Variants in ERG28 observed in about 807,000 individuals in gnomAD.
ERG28 encodes ergosterol biosynthesis 28 homolog, also known as ergosterol biosynthetic protein 28 homolog.
ERG28 carries 9 observed loss-of-function variants against 15.7 expected under a neutral mutation model. The ratio of observed to expected loss-of-function variants is 0.57; its 90% CI spans 0.35 to 1.00. The LOEUF (loss-of-function observed/expected upper bound fraction) is 1.00, where lower values mean the gene tolerates loss of function less well. Ranked by LOEUF, ERG28 falls within the 50% of genes least tolerant of loss-of-function variation. ERG28 has a pLI of 0.02. For synonymous variants in ERG28, 61 were observed against 68.4 expected (o/e 0.89, Z 0.53); for missense variants, 117 against 173.3 (o/e 0.68, Z 1.82).
At chr14:75,658,278 C>T (rs1241763465) in intron 1 of ERG28, among the ~76,000 whole-genome samples, 1 of 152,082 alleles carries the variant, frequency 6.6e-6, no homozygotes, top group Non-Finnish European at 1.5e-5. Context: ...TAAACAAGAC[C>T]TAAGGCCATG....
Position 75,651,302 on chromosome 14 carries a change from C to T in ERG28, c.*253G>A, listed in dbSNP as rs1043375156. 6.3e-6 allele frequency: 2 copies of T among 319,136 alleles called. No homozygotes were observed. Among genetic ancestry groups the T allele is most frequent in the Non-Finnish European group, 5.8e-6 (1 of 173,282 alleles). 19.8% of individuals were successfully genotyped at this position (319,136 alleles called of 1,614,324 possible). A position where few individuals can be genotyped will look rare whatever the true frequency, so the allele number is the denominator to read the frequency against. On this transcript the variant is annotated 3_prime_UTR_variant, in exon 5 of 5. Transcript: ENST00000256319. ...TAGGGGAAGGAGACACAGTGGGCTT[C>T]CGAGAAGCTGGCAATTTCTTGACTT...
intron 2 of ERG28, among the ~76,000 whole-genome samples, chr14:75,657,169 C>T (rs1331206149): frequency 1.3e-5 from 2 of 152,162 alleles, no homozygotes; most frequent in East Asian, 3.9e-4. Flanking sequence ...AAGGCAGCAT[C>T]AGAATCATCT....
At position 75,654,999 on chromosome 14, in the gene ERG28, A is replaced by G. The variant is rs372165750; in HGVS notation, c.134-23T>C. On this transcript the variant is annotated intron_variant, in intron 2 of 4. Transcript: ENST00000256319. ...TCACTGTGTAGCAGAAAAAAGCAAG[A>G]GTGTTCAGAAGGGGAGACTTGAGGT... The G allele has an allele frequency of 1.9e-6, 3 of 1,594,408 alleles. No homozygotes were observed. In the African/African-American group the frequency reaches 4.0e-5, roughly 21 times the overall value.
chr14:75,656,821 T>C (rs1376268746), intron 2 of ERG28, among the ~76,000 whole-genome samples: 5 of 152,144 alleles, frequency 3.3e-5, no homozygotes. Context: ...AAATACCTTC[T>C]CAGGGACTAT....
chr14:75,658,483 T>C (rs75292754), intron 1 of ERG28, among the ~76,000 whole-genome samples: 1,694 of 152,290 alleles, frequency 0.011, 31 homozygotes, highest in African/African-American at 0.039. Context: ...ACAGCTTTGA[T>C]TGGACAAGAG....
Position 75,657,516 on chromosome 14 carries a change from C to T in ERG28, c.-14G>A, listed in dbSNP as rs756196177. 16 of 1,613,530 alleles carry T rather than the reference C, an allele frequency of 9.9e-6. No individual in the cohort carries two copies. Among genetic ancestry groups the T allele is most frequent in the South Asian group, 6.6e-5 (6 of 91,030 alleles). The stretch of plus-strand genomic sequence containing the variant: ...GAAACGGCTCATGACTCCCCTCAAA[C>T]GTGGGAGGGCTTTTTGCCTTGGAAA... On this transcript the variant is annotated 5_prime_UTR_variant, in exon 2 of 5. Coordinates refer to ENST00000256319, the MANE Select transcript of ERG28 (RefSeq NM_007176.4).
At position 75,650,592 on chromosome 14, in the gene ERG28, A is replaced by AT. The variant is rs1037216220; in HGVS notation, c.*962dup. On this transcript the variant is annotated 3_prime_UTR_variant, in exon 5 of 5. Transcript: ENST00000256319. ...TGTTTCATCTATGCTGCCTAGTTCT[A>AT]TTTTTTTGTCTCTGCTCTCTCAAGA... is the stretch of plus-strand genomic sequence containing the variant. 9.9e-5 allele frequency: 15 copies of AT among 152,230 alleles called. No individual in the cohort carries two copies. Among genetic ancestry groups the AT allele is most frequent in the African/African-American group, 3.4e-4 (14 of 41,534 alleles). 9.4% of individuals were successfully genotyped at this position (152,230 alleles called of 1,614,324 possible).
chr14:75,651,965 C>G, intron 3 of ERG28, 76 bp from the exon 4 acceptor site: 1 of 1,306,754 alleles, frequency 7.7e-7, no homozygotes, highest in Non-Finnish European at 1.1e-6. Flanking sequence ...AGACTTCATA[C>G]AGACAAATAA....
rs115386117 is a variant in ERG28, at chr14:75,654,939, C to T, written c.171G>A (p.Thr57=). Residue 57 remains threonine (T), a synonymous_variant, in exon 3 of 5, where the codon ACG becomes ACA. Transcript: ENST00000256319. ...GLQARTFGIW[T]LLSSVIRCLC... The stretch of plus-strand genomic sequence containing the variant: ...GGCAGCGAATCACTGATGAGAGCAG[C>T]GTCCAGATCCCAAAGGTCCGAGCTT... 0.012 allele frequency: 19,193 copies of T among 1,614,056 alleles called. 150 individuals are homozygous for T. Among genetic ancestry groups the T allele is most frequent in the Non-Finnish European group, 0.014 (17,024 of 1,179,908 alleles).
intron 1 of ERG28, among the ~76,000 whole-genome samples, chr14:75,660,445 G>A (rs963211987): frequency 6.6e-6 from 1 of 152,170 alleles, no homozygotes; most frequent in African/African-American, 2.4e-5. Flanking sequence ...TTCAGTCTCG[G>A]TTTCCTCATC....
At chr14:75,652,396 G>A (rs941955589) in intron 3 of ERG28, among the ~76,000 whole-genome samples, 5 of 152,144 alleles carry the variant, frequency 3.3e-5, no homozygotes, top group African/African-American at 4.8e-5. Context: ...TGCAATATAC[G>A]TTGGTTACTT....
chr14:75,657,510 C>G lies in ERG28; in HGVS notation c.-8G>C. 6.2e-7 allele frequency: 1 copy of G among 1,613,876 alleles called. No homozygotes were observed. ...ATTCAGGAAACGGCTCATGACTCCC[C>G]TCAAACGTGGGAGGGCTTTTTGCCT... On this transcript the variant is annotated 5_prime_UTR_variant, in exon 2 of 5. Coordinates refer to ENST00000256319, the MANE Select transcript of ERG28 (RefSeq NM_007176.4).
Position 75,651,453 on chromosome 14 carries a change from G to T in ERG28, c.*102C>A. 8.8e-7 allele frequency: 1 copy of T among 1,132,300 alleles called. No individual in the cohort carries two copies. The highest frequency in any genetic ancestry group is 1.5e-5 in the South Asian group (1 of 67,608). 70.1% of individuals were successfully genotyped at this position (1,132,300 alleles called of 1,614,324 possible). ...AAAAGAGGCTAAAAGTGAATAAAAG[G>T]GCAGATGATGGAATAGAAAAGAAAT... On this transcript the variant is annotated 3_prime_UTR_variant, in exon 5 of 5. Coordinates refer to ENST00000256319, the MANE Select transcript of ERG28 (RefSeq NM_007176.4).
Position 75,650,200 on chromosome 14 carries a change from T to TTTAAG in ERG28, c.*1350_*1354dup, listed in dbSNP as rs1273650223. On this transcript the variant is annotated 3_prime_UTR_variant, in exon 5 of 5. Transcript: ENST00000256319. ...CAGGGAGGACTTTCTGATGATCTAA[T>TTTAAG]TTAAGTTACGTTCCCCACTGCCCAC... 1.3e-5 allele frequency: 2 copies of TTTAAG among 152,196 alleles called. No individual in the cohort carries two copies. Among genetic ancestry groups the TTTAAG allele is most frequent in the Non-Finnish European group, 2.9e-5 (2 of 68,034 alleles). The allele number at this position is 152,196 out of a possible 1,614,324, so 9.4% of individuals were successfully genotyped here. A position where few individuals can be genotyped will look rare whatever the true frequency, so the allele number is the denominator to read the frequency against.
rs1366044830 is a variant in ERG28 at position 75,651,097 on chromosome 14, AGAG to A, written c.*455_*457del. On this transcript the variant is annotated 3_prime_UTR_variant, in exon 5 of 5. Transcript: ENST00000256319. ...TTCAGAGTCTTGGGTCCAGCAGCAG[AGAG>A]GAGCCCAACCTGCGTGGACAACCCC... The A allele has an allele frequency of 6.3e-6, 1 of 159,410 alleles. No individual in the cohort carries two copies. The highest frequency in any genetic ancestry group is 1.4e-5 in the Non-Finnish European group (1 of 71,672). The allele number at this position is 159,410 out of a possible 1,614,324, so 9.9% of individuals were successfully genotyped here. A position where few individuals can be genotyped will look rare whatever the true frequency, so the allele number is the denominator to read the frequency against.
intron 2 of ERG28, 128 bp from the exon 3 acceptor site, chr14:75,655,104 A>AT: frequency 1.2e-6 from 1 of 824,212 alleles, no homozygotes; most frequent in Non-Finnish European, 2.0e-6. Flanking sequence ...GCTGGGCAGG[A>AT]TGGAGGTCCT....
chr14:75,657,469 G>T lies in ERG28; in HGVS notation c.34C>A (p.Leu12Met). The T allele has an allele frequency of 6.2e-7, 1 of 1,614,100 alleles. No homozygotes were observed. Among genetic ancestry groups the T allele is most frequent in the South Asian group, 1.1e-5 (1 of 91,078 alleles). ...SRFLNVLRSWLVMVSIIAMGN... is the reference protein window; with the variant it reads ...SRFLNVLRSWMVMVSIIAMGN... ...ATGGCTATGATGGACACCATAACCA[G>T]CCAACTTCTTAACACATTCAGGAAA... The change falls in exon 2 of 5, where the codon CTG becomes ATG. Residue 12 changes from leucine to methionine, a missense_variant. Physicochemically the swap from Leu to Met is conservative, Grantham distance 15. Coordinates refer to ENST00000256319, the MANE Select transcript of ERG28 (RefSeq NM_007176.4).
chr14:75,657,579 T>C, intron 1 of ERG28, 46 bp from the exon 2 acceptor site: 3 of 1,546,488 alleles, frequency 1.9e-6, no homozygotes, highest in South Asian at 1.1e-5. Flanking sequence ...GGCCAGTCTA[T>C]GTTAACCATA....
In ERG28 at chr14:75,658,866, C is replaced by A. The variant is rs139731843; in HGVS notation, c.-31-1333G>T. Among the ~76,000 whole-genome samples, 1,003 of 152,032 alleles carry A rather than the reference C, an allele frequency of 6.6e-3. 7 individuals are homozygous for A. Among genetic ancestry groups the A allele is most frequent in the Non-Finnish European group, 0.012 (837 of 67,988 alleles). The stretch of plus-strand genomic sequence containing the variant: ...CTCTTCCCTGTTGGGTGGCTGTAAC[C>A]CTTTGCAAGAGATAAAGCCTCTTTT... On this transcript the variant is annotated intron_variant, in intron 1 of 4. Transcript: ENST00000256319.
Sources: allele counts gnomAD v4.1 joint callset (sites outside exome capture counted in the v4.1 genomes callset), GRCh38; gene constraint gnomAD v4.1.1; transcripts MANE v1.5; gene names NCBI Gene and HGNC (gene_info 2026-07-23, HGNC 2026-07-21).